Variants in SPATS2 observed in about 807,000 individuals in gnomAD.
The protein encoded by SPATS2 is spermatogenesis associated serine rich 2.
In SPATS2, 38 loss-of-function variants were observed where a neutral mutation model predicts 63.7. That is an observed-to-expected ratio of 0.60 (90% CI 0.46 to 0.78). The LOEUF is 0.78. Among genes scored for constraint, SPATS2 ranks in the 30% least tolerant of loss-of-function variants. SPATS2 has a pLI of 0.00. For missense variants in SPATS2, 588 were observed against 666.2 expected (o/e 0.88, Z 1.29); for synonymous variants, 207 against 232.9 (o/e 0.89, Z 1.01).
At position 49,447,559 on chromosome 12, in the gene SPATS2, G is replaced by T. The variant is rs1312123824; in HGVS notation, c.-243-13211G>T. ...GCCTGTTCTTCTATTTTCTAAAACA[G>T]TTTGTGGAGAATTCTATTATTTCTT... On this transcript the variant is annotated intron_variant, in intron 2 of 13. Coordinates refer to ENST00000552918, the MANE Select transcript of SPATS2 (RefSeq NM_023071.4). 2.0e-5 allele frequency among the ~76,000 whole-genome samples: 3 copies of T among 152,212 alleles called. No homozygotes were observed. In the East Asian group the frequency reaches 5.8e-4, roughly 29 times the overall value.
In SPATS2 at chr12:49,484,628, G is replaced by T. The variant is rs61733031; in HGVS notation, c.64G>T (p.Val22Leu). 2 of 1,613,778 alleles carry T rather than the reference G, an allele frequency of 1.2e-6. No homozygotes were observed. The highest frequency in any genetic ancestry group is 1.7e-6 in the Non-Finnish European group (2 of 1,179,932). The change falls in exon 4 of 14, where the codon GTA (valine) becomes TTA (leucine). Residue 22 changes from valine to leucine, a missense_variant. Physicochemically the swap from Val to Leu is conservative, Grantham distance 32. Transcript: ENST00000552918. The part of the protein sequence containing the change: ...GFIFDLQSNT[V>L]LAQGGAFENM... ...CATTTTTGATTTGCAGTCCAATACC[G>T]TACTGGCCCAGGGAGGAGCTTTTGA... is the stretch of plus-strand genomic sequence containing the variant.
At chr12:49,396,272 G>A (rs1276565639) in intron 2 of SPATS2, among the ~76,000 whole-genome samples, 1 of 152,188 alleles carries the variant, frequency 6.6e-6, no homozygotes, top group Non-Finnish European at 1.5e-5. Context: ...TGAGATTAGT[G>A]GATCATGTCA....
At chr12:49,481,496 C>A in intron 3 of SPATS2, among the ~76,000 whole-genome samples, 1 of 103,898 alleles carries the variant, frequency 9.6e-6, no homozygotes, top group East Asian at 3.3e-4. Context: ...GAGATGGAGT[C>A]TTGCTCTGTC....
chr12:49,461,191 G>A, intron 3 of SPATS2, 154 bp downstream of exon 3: 4 of 749,030 alleles, frequency 5.3e-6, no homozygotes, highest in South Asian at 2.0e-5. Context: ...TACTAGTCTG[G>A]GAATTAATTC....
chr12:49,387,509 C>G (rs1423098458), intron 2 of SPATS2, among the ~76,000 whole-genome samples: 2 of 151,826 alleles, frequency 1.3e-5, no homozygotes, highest in Non-Finnish European at 2.9e-5. Context: ...CGGTGATGCA[C>G]TCCTGTAATC....
At chr12:49,403,095 G>A (rs780265670) in intron 2 of SPATS2, among the ~76,000 whole-genome samples, 2 of 152,106 alleles carry the variant, frequency 1.3e-5, no homozygotes, top group African/African-American at 2.4e-5. Flanking sequence ...TGGGATTTTC[G>A]TGGTGAGTAA....
At chr12:49,485,474 G>A (rs1243939491) in intron 4 of SPATS2, among the ~76,000 whole-genome samples, 1 of 151,730 alleles carries the variant, frequency 6.6e-6, no homozygotes, top group Non-Finnish European at 1.5e-5. Context: ...TGATTCTTGT[G>A]CCTCAGCCTC....
At chr12:49,504,087 T>C (rs913051202) in intron 9 of SPATS2, among the ~76,000 whole-genome samples, 2 of 152,172 alleles carry the variant, frequency 1.3e-5, no homozygotes, top group African/African-American at 4.8e-5. Flanking sequence ...GCTAACTCCA[T>C]TTGGCACCAA....
intron 8 of SPATS2, among the ~76,000 whole-genome samples, chr12:49,499,076 A>G (rs746003859): frequency 1.3e-5 from 2 of 152,012 alleles, no homozygotes; most frequent in Non-Finnish European, 2.9e-5. Flanking sequence ...GTGAGCCACC[A>G]CACCTGGCCC....
At chr12:49,367,899 G>A (rs909907723) in intron 1 of SPATS2, among the ~76,000 whole-genome samples, 1 of 152,182 alleles carries the variant, frequency 6.6e-6, no homozygotes, top group Non-Finnish European at 1.5e-5. Context: ...CAACGAGCGA[G>A]ATAGAACGAA....
At chr12:49,442,138 C>G (rs1295550493) in intron 2 of SPATS2, among the ~76,000 whole-genome samples, 3 of 152,140 alleles carry the variant, frequency 2.0e-5, no homozygotes, top group Non-Finnish European at 4.4e-5. Context: ...AGCTGACACC[C>G]AAGATAGTCA....
chr12:49,476,380 C>T (rs1024639720), intron 3 of SPATS2, among the ~76,000 whole-genome samples: 5 of 152,172 alleles, frequency 3.3e-5, no homozygotes, highest in African/African-American at 9.7e-5. Flanking sequence ...CTGCCGAGAG[C>T]TACTTCCACT....
intron 10 of SPATS2, among the ~76,000 whole-genome samples, chr12:49,516,152 AAAAAAAAAAAAAAAATAT>A: frequency 2.4e-5 from 1 of 41,420 alleles, no homozygotes; most frequent in South Asian, 9.8e-4. Flanking sequence ...AAAAAAAAAA[AAAAAAAAAAAAAAAATAT>A]ATATATATAT....
In SPATS2 at chr12:49,372,156, C is replaced by T. The variant is rs145112464; in HGVS notation, c.-244+866C>T. Among the ~76,000 whole-genome samples the T allele has an allele frequency of 6.1e-4, 93 of 152,230 alleles. No individual in the cohort carries two copies. In the East Asian group the frequency reaches 0.017, roughly 27 times the overall value. ...TGCCTCCTGGGTTTAAGCGATTTTCCTGCCTCAGCCTCCAAGTAGCTGAGA... is the reference window on the plus strand; with the variant it reads ...TGCCTCCTGGGTTTAAGCGATTTTCTTGCCTCAGCCTCCAAGTAGCTGAGA... On this transcript the variant is annotated intron_variant, in intron 2 of 13. Coordinates refer to ENST00000552918, the MANE Select transcript of SPATS2 (RefSeq NM_023071.4).
chr12:49,467,044 GTTTTTTTTT>G (rs59350335), intron 3 of SPATS2, among the ~76,000 whole-genome samples: 8 of 75,778 alleles, frequency 1.1e-4, no homozygotes, highest in African/African-American at 3.6e-4. Context: ...TTTGTTCTTT[GTTTTTTTTT>G]TTTTTTTTTT....
chr12:49,433,409 G>T (rs543532042), intron 2 of SPATS2, among the ~76,000 whole-genome samples: 4 of 152,040 alleles, frequency 2.6e-5, no homozygotes, highest in Non-Finnish European at 5.9e-5. Flanking sequence ...GTGATCTGCC[G>T]ACCTCGGCCT....
chr12:49,489,292 A>T (rs998688536), intron 4 of SPATS2, among the ~76,000 whole-genome samples, 173 bp from the exon 5 acceptor site: 9 of 152,198 alleles, frequency 5.9e-5, no homozygotes, highest in Non-Finnish European at 1.3e-4. Flanking sequence ...TGCTGTTATC[A>T]CTCATCTATT....
At chr12:49,403,789 G>T (rs2137313549) in intron 2 of SPATS2, among the ~76,000 whole-genome samples, 1 of 152,256 alleles carries the variant, frequency 6.6e-6, no homozygotes, top group East Asian at 1.9e-4. Context: ...TCAGCTCAAG[G>T]GTTGGAAAGG....
intron 2 of SPATS2, among the ~76,000 whole-genome samples, chr12:49,439,913 T>C (rs550232310): frequency 1.4e-4 from 21 of 152,336 alleles, no homozygotes; most frequent in South Asian, 6.2e-4. Flanking sequence ...TTTCCACTTA[T>C]GTTGTAGAAG....
Sources: allele counts gnomAD v4.1 joint callset (sites outside exome capture counted in the v4.1 genomes callset), GRCh38; gene constraint gnomAD v4.1.1; transcripts MANE v1.5; gene names NCBI Gene and HGNC (gene_info 2026-07-23, HGNC 2026-07-21).